IQCH: variants seen among roughly 807,000 people sequenced by gnomAD.
The protein encoded by IQCH is IQ motif containing H, also known as IQ domain-containing protein H.
IQCH carries 98 observed loss-of-function variants against 117.0 expected under a neutral mutation model. That is an observed-to-expected ratio of 0.84 (90% confidence interval 0.71 to 0.99). The LOEUF (loss-of-function observed/expected upper bound fraction) is 0.99, where lower values mean the gene tolerates loss of function less well. Among genes scored for constraint, IQCH ranks in the 50% least tolerant of loss-of-function variants. IQCH has a pLI of 0.00. For synonymous variants in IQCH, 412 were observed against 448.2 expected (o/e 0.92, Z 1.02); for missense variants, 1,102 against 1,243.8 (o/e 0.89, Z 1.72).
intron 4 of IQCH, among the ~76,000 whole-genome samples, chr15:67,295,969 C>T (rs1202554518): frequency 6.6e-6 from 1 of 152,150 alleles, no homozygotes; most frequent in African/African-American, 2.4e-5. Context: ...TCTTGACCAC[C>T]ATATCTAAGG....
At chr15:67,314,996 A>G (rs760896144) in intron 4 of IQCH, among the ~76,000 whole-genome samples, 7 of 152,214 alleles carry the variant, frequency 4.6e-5, no homozygotes, top group East Asian at 1.9e-4. Context: ...CTTAGAGCCC[A>G]TTAGTCTGCT....
At chr15:67,268,062 T>C (rs1469636801) in intron 3 of IQCH, among the ~76,000 whole-genome samples, 1 of 152,176 alleles carries the variant, frequency 6.6e-6, no homozygotes, top group East Asian at 1.9e-4. Context: ...ACATGCATAA[T>C]CACTGATGAG....
In IQCH at chr15:67,424,169, T is replaced by C. The variant is rs1433137151; in HGVS notation, c.2505+2592T>C. ...TTGCCCTCTGTTTTGTTCTGGTCCA[T>C]CCACACACCCTGTCTCATTCCCTCT... is the stretch of plus-strand genomic sequence containing the variant. On this transcript the variant is annotated intron_variant, in intron 16 of 20. Coordinates refer to ENST00000335894, the MANE Select transcript of IQCH (RefSeq NM_001031715.3). This position sits in a 1 kb window ranked among gnomAD's most constrained non-coding sequence, Gnocchi z 4.9. Among the ~76,000 whole-genome samples, 1 of 152,150 alleles carries C rather than the reference T, an allele frequency of 6.6e-6. No homozygotes were observed. The highest frequency in any genetic ancestry group is 1.5e-5 in the Non-Finnish European group (1 of 68,034).
chr15:67,314,263 C>T (rs1000406764), intron 4 of IQCH, among the ~76,000 whole-genome samples: 11 of 151,956 alleles, frequency 7.2e-5, no homozygotes, highest in Non-Finnish European at 1.2e-4. Context: ...ATGGTTGATT[C>T]CTCACACTTT....
In IQCH at chr15:67,456,654, G is replaced by A. The variant is rs769415031; in HGVS notation, c.2506-8473G>A. Among the ~76,000 whole-genome samples, 46 of 152,186 alleles carry A rather than the reference G, an allele frequency of 3.0e-4. No homozygotes were observed. The highest frequency in any genetic ancestry group is 4.4e-4 in the Non-Finnish European group (30 of 68,004). The stretch of plus-strand genomic sequence containing the variant: ...TATTAGTATTGTGTTGTATCTGACC[G>A]ACATGTTCTATTTGGTTGATATTTT... On this transcript the variant is annotated intron_variant, in intron 16 of 20. Transcript: ENST00000335894. This position sits in a 1 kb window ranked among gnomAD's most constrained non-coding sequence, Gnocchi z 5.1.
At chr15:67,313,543 T>C (rs1967702540) in intron 4 of IQCH, among the ~76,000 whole-genome samples, 1 of 152,082 alleles carries the variant, frequency 6.6e-6, no homozygotes, top group Non-Finnish European at 1.5e-5. Flanking sequence ...TGGGCAAGAC[T>C]AAAGGAGAGG....
intron 4 of IQCH, among the ~76,000 whole-genome samples, chr15:67,288,712 T>C (rs1347897248): frequency 6.6e-6 from 1 of 152,120 alleles, no homozygotes; most frequent in African/African-American, 2.4e-5. Context: ...CTCTGTGTCT[T>C]TTGATTGGAG....
intron 16 of IQCH, among the ~76,000 whole-genome samples, chr15:67,462,210 C>T (rs565021768): frequency 6.6e-6 from 1 of 151,730 alleles, no homozygotes; most frequent in South Asian, 2.1e-4. Context: ...GAGTGGATCA[C>T]AAGGTCAGGA....
intron 13 of IQCH, among the ~76,000 whole-genome samples, chr15:67,399,193 C>G (rs1971562990): frequency 6.6e-6 from 1 of 152,182 alleles, no homozygotes; most frequent in Admixed American, 6.5e-5. Context: ...AATTCCTACT[C>G]TGCTACTCAA....
chr15:67,358,395 T>C (rs1314674484), intron 7 of IQCH, among the ~76,000 whole-genome samples: 9 of 136,942 alleles, frequency 6.6e-5, no homozygotes, highest in East Asian at 4.5e-4. Context: ...AAGGTTTCGC[T>C]ATGTTGGCCA....
intron 10 of IQCH, among the ~76,000 whole-genome samples, chr15:67,377,115 CAAAAAAAAAAAAAAAAGAAA>C (rs1970764289): frequency 1.2e-5 from 1 of 82,042 alleles, no homozygotes; most frequent in Admixed American, 1.2e-4. Flanking sequence ...GACTCCATCT[CAAAAAAAAAAAAAAAAGAAA>C]AAAAGAAAAA....
intron 13 of IQCH, among the ~76,000 whole-genome samples, chr15:67,397,684 T>C (rs1035376906): frequency 6.6e-6 from 1 of 152,192 alleles, no homozygotes; most frequent in Non-Finnish European, 1.5e-5. Flanking sequence ...TTTCTGACTT[T>C]CAGTTGGACT....
chr15:67,297,458 C>T (rs1966859903), intron 4 of IQCH, among the ~76,000 whole-genome samples: 2 of 152,016 alleles, frequency 1.3e-5, no homozygotes, highest in African/African-American at 4.8e-5. Flanking sequence ...TTAAAATAAC[C>T]ATTATCACCT....
intron 16 of IQCH, among the ~76,000 whole-genome samples, chr15:67,439,961 T>C (rs1030483201): frequency 1.4e-4 from 21 of 147,480 alleles, no homozygotes; most frequent in Middle Eastern, 3.6e-3. Context: ...ATAAAATTGA[T>C]AGACCATTAG....
chr15:67,372,037 G>A (rs1256568235), intron 8 of IQCH, 74 bp from the exon 9 acceptor site: 3 of 1,228,018 alleles, frequency 2.4e-6, no homozygotes, highest in South Asian at 3.0e-5. Flanking sequence ...ATAATGTAGT[G>A]TGTGTCTTGA....
chr15:67,442,308 G>A (rs2082290106), intron 16 of IQCH, among the ~76,000 whole-genome samples: 1 of 152,076 alleles, frequency 6.6e-6, no homozygotes, highest in Admixed American at 6.5e-5. Context: ...TACTCGGGAG[G>A]CTGAGGCAGG....
chr15:67,257,009 A>G (rs1475443462), intron 1 of IQCH, among the ~76,000 whole-genome samples: 1 of 152,208 alleles, frequency 6.6e-6, no homozygotes, highest in Non-Finnish European at 1.5e-5. Flanking sequence ...GCCAACGTGG[A>G]TTCCACTTCT....
At chr15:67,492,799 G>A (rs60968216) in intron 19 of IQCH, among the ~76,000 whole-genome samples, 13 of 152,246 alleles carry the variant, frequency 8.5e-5, no homozygotes, top group Admixed American at 3.9e-4. Context: ...GTGGGTACTC[G>A]GGCATAGAGG....
chr15:67,411,733 G>A lies in IQCH; in HGVS notation c.2098-5198G>A, dbSNP rs187198570. ...AGAGTTTGAAGTAGCTTTAGTCATT[G>A]AGTGCAGTATTAAGCTTTAGTCACT... On this transcript the variant is annotated intron_variant, in intron 14 of 20. Coordinates refer to ENST00000335894, the MANE Select transcript of IQCH (RefSeq NM_001031715.3). This position sits in a 1 kb window ranked among gnomAD's most constrained non-coding sequence, Gnocchi z 4.4. 6.6e-6 allele frequency among the ~76,000 whole-genome samples: 1 copy of A among 152,216 alleles called. No individual in the cohort carries two copies. Among genetic ancestry groups the A allele is most frequent in the Non-Finnish European group, 1.5e-5 (1 of 68,036 alleles).
Sources: gnomAD v4.1 joint callset for allele counts (sites outside exome capture counted in the v4.1 genomes callset) on GRCh38, gnomAD v4.1.1 for gene constraint, Gnocchi (gnomAD v3.1) non-coding constraint, MANE v1.5 for transcripts, NCBI Gene and HGNC (gene_info 2026-07-23, HGNC 2026-07-21) for gene names.